Variants in SDK1 observed in about 807,000 individuals in gnomAD.
SDK1 encodes protein sidekick-1.
Under a neutral mutation model 245.5 loss-of-function variants are expected in SDK1, and 157 were observed. The ratio of observed to expected loss-of-function variants is 0.64; its 90% confidence interval spans 0.56 to 0.73. The LOEUF is 0.73. Ranked by LOEUF, SDK1 falls within the 30% of genes least tolerant of loss-of-function variation. The pLI, the probability that SDK1 is intolerant of heterozygous loss-of-function variation, is 0.00. For synonymous variants in SDK1, 1,647 were observed against 1,278.5 expected (o/e 1.29, Z -6.15); for missense variants, 3,583 against 3,002.3 (o/e 1.19, Z -4.52).
chr7:3,966,915 A>G (rs979805402), intron 9 of SDK1, among the ~76,000 whole-genome samples: 2 of 152,070 alleles, frequency 1.3e-5, no homozygotes, highest in Admixed American at 6.5e-5. Context: ...CAAACTCCTG[A>G]ACTCAAGCAG....
intron 1 of SDK1, among the ~76,000 whole-genome samples, chr7:3,611,751 A>T (rs1218399319): frequency 6.6e-6 from 1 of 152,150 alleles, no homozygotes; most frequent in African/African-American, 2.4e-5. Context: ...TTGATCAGGA[A>T]AATGCAAATC....
At chr7:3,704,035 C>T (rs1418281524) in intron 4 of SDK1, among the ~76,000 whole-genome samples, 1 of 152,050 alleles carries the variant, frequency 6.6e-6, no homozygotes, top group Non-Finnish European at 1.5e-5. Context: ...CCCAGTTTGT[C>T]GTTTTTTCTT....
chr7:4,255,473 C>T (rs1303109686), intron 44 of SDK1, among the ~76,000 whole-genome samples: 3 of 152,320 alleles, frequency 2.0e-5, no homozygotes, highest in East Asian at 1.9e-4. Flanking sequence ...TGGGCCTGCT[C>T]CTCCCAGCGT....
rs1271451428 is a variant in SDK1, at chr7:3,788,217, G to T, written c.714-33233G>T. On this transcript the variant is annotated intron_variant, in intron 4 of 44. Transcript: ENST00000404826. ...AGTGTCCCCGCCTCTCAACAGTCAT[G>T]GGTGGCTACTGCTGCCGGACACCAG... is the stretch of plus-strand genomic sequence containing the variant. Among the ~76,000 whole-genome samples the T allele has an allele frequency of 2.0e-5, 3 of 152,184 alleles. No homozygotes were observed. The East Asian group carries it at 5.8e-4, about 29-fold the overall frequency.
At chr7:3,540,874 A>T (rs1010973461) in intron 1 of SDK1, among the ~76,000 whole-genome samples, 1 of 152,220 alleles carries the variant, frequency 6.6e-6, no homozygotes, top group East Asian at 1.9e-4. Context: ...GAAACTGTCA[A>T]GGAATCACTA....
At chr7:3,774,365 A>G (rs1780489932) in intron 4 of SDK1, among the ~76,000 whole-genome samples, 1 of 152,206 alleles carries the variant, frequency 6.6e-6, no homozygotes, top group South Asian at 2.1e-4. Flanking sequence ...AGCAGCAATC[A>G]GTGATAAGAA....
At chr7:4,264,610 G>A (rs1369575259) in intron 44 of SDK1, among the ~76,000 whole-genome samples, 15 of 146,250 alleles carry the variant, frequency 1.0e-4, no homozygotes, top group African/African-American at 3.3e-4. Flanking sequence ...TCTCCTGAGT[G>A]AGGGAAGCCG....
At chr7:3,404,934 C>G (rs1443430161) in intron 1 of SDK1, among the ~76,000 whole-genome samples, 1 of 152,016 alleles carries the variant, frequency 6.6e-6, no homozygotes, top group Non-Finnish European at 1.5e-5. Flanking sequence ...TGAAAATATT[C>G]AAATGAAACT....
rs59519297 is a variant in SDK1 at position 3,914,029 on chromosome 7, G to T, written c.848-36894G>T. 5.4e-3 allele frequency among the ~76,000 whole-genome samples: 823 copies of T among 152,336 alleles called. 7 individuals are homozygous for T. The highest frequency in any genetic ancestry group is 0.018 in the African/African-American group (767 of 41,570). ...AGCTTCTTGCCCTATTATAAAGGAA[G>T]AAGCATCTACTCCAGATGTTGAAAA... On this transcript the variant is annotated intron_variant, in intron 5 of 44. Coordinates refer to ENST00000404826, the MANE Select transcript of SDK1 (RefSeq NM_152744.4).
At chr7:3,329,508 C>G (rs1780015947) in intron 1 of SDK1, among the ~76,000 whole-genome samples, 1 of 152,136 alleles carries the variant, frequency 6.6e-6, no homozygotes, top group African/African-American at 2.4e-5. Flanking sequence ...GAAGCCTCAC[C>G]CTTCTTAGCT....
intron 4 of SDK1, among the ~76,000 whole-genome samples, chr7:3,803,332 A>G (rs1397156997): frequency 6.7e-6 from 1 of 149,732 alleles, no homozygotes; most frequent in Admixed American, 6.6e-5. Flanking sequence ...TTTTTTGGAA[A>G]CAAAGTCTTA....
At chr7:4,043,248 AGAGT>A (rs1788771250) in intron 17 of SDK1, among the ~76,000 whole-genome samples, 1 of 151,798 alleles carries the variant, frequency 6.6e-6, no homozygotes, top group Non-Finnish European at 1.5e-5. Flanking sequence ...GGGCTCAGGT[AGAGT>A]GAGTGTCACA....
chr7:3,784,776 T>C (rs769501590), intron 4 of SDK1, among the ~76,000 whole-genome samples: 19 of 152,196 alleles, frequency 1.2e-4, no homozygotes, highest in Non-Finnish European at 2.6e-4. Context: ...AGTGCAGCCA[T>C]TGTGGAAAAC....
Position 3,892,785 on chromosome 7 carries a change from A to T in SDK1, c.848-58138A>T, listed in dbSNP as rs184933045. Among the ~76,000 whole-genome samples, 133 of 152,212 alleles carry T rather than the reference A, an allele frequency of 8.7e-4. 1 individual carries two copies. In the Middle Eastern group the frequency reaches 0.02, roughly 23 times the overall value. On this transcript the variant is annotated intron_variant, in intron 5 of 44. Coordinates refer to ENST00000404826, the MANE Select transcript of SDK1 (RefSeq NM_152744.4). ...CAGCCAGCTCAGTGCAGCCGAAAGA[A>T]CCTGGGAGGCAGTCCGGAAAGCTGA...
intron 1 of SDK1, among the ~76,000 whole-genome samples, chr7:3,541,406 C>T (rs1179461388): frequency 6.6e-6 from 1 of 152,192 alleles, no homozygotes. Flanking sequence ...GGTGGACTTC[C>T]ATGCCTCTAT....
intron 1 of SDK1, among the ~76,000 whole-genome samples, chr7:3,443,267 C>T (rs537091123): frequency 6.6e-6 from 1 of 152,132 alleles, no homozygotes; most frequent in Non-Finnish European, 1.5e-5. Flanking sequence ...AGAACTATGT[C>T]AGCATGAGAG....
Position 3,348,189 on chromosome 7 carries a change from C to T in SDK1, c.298+46305C>T, listed in dbSNP as rs547747338. On this transcript the variant is annotated intron_variant, in intron 1 of 44. Transcript: ENST00000404826. ...GGTTTTAATGCATAGCCCAGGCTTA[C>T]TGCTTGGGTTTGATTCTTGGCTTCA... 4.3e-4 allele frequency among the ~76,000 whole-genome samples: 65 copies of T among 152,208 alleles called. 1 individual carries two copies. The highest frequency in any genetic ancestry group is 1.4e-3 in the African/African-American group (57 of 41,534).
At chr7:3,747,036 T>C (rs1383108924) in intron 4 of SDK1, among the ~76,000 whole-genome samples, 1 of 152,224 alleles carries the variant, frequency 6.6e-6, no homozygotes, top group African/African-American at 2.4e-5. Context: ...ATTTACTCCT[T>C]GATTCATAGG....
intron 1 of SDK1, among the ~76,000 whole-genome samples, chr7:3,406,192 C>A (rs1202848279): frequency 1.3e-5 from 2 of 152,202 alleles, no homozygotes; most frequent in Non-Finnish European, 2.9e-5. Context: ...ATTTAAAATC[C>A]TATGCATTCA....
Sources: allele counts gnomAD v4.1 joint callset (sites outside exome capture counted in the v4.1 genomes callset), GRCh38; gene constraint gnomAD v4.1.1; transcripts MANE v1.5; gene names NCBI Gene and HGNC (gene_info 2026-07-23, HGNC 2026-07-21).